The following ZNF423 variants were observed in gnomAD, a reference collection of about 807,000 sequenced individuals.
ZNF423 encodes the protein Ebf-associated zinc finger protein.
In ZNF423, 12 loss-of-function variants were observed where a neutral mutation model predicts 95.8. The observed-to-expected ratio is 0.13, with a 90% CI of 0.08 to 0.20. The LOEUF is 0.20. ZNF423 is among the 10% of genes least tolerant of loss of function. The probability of loss-of-function intolerance (pLI) is 1.00; values close to 1 mark genes in which losing one functional copy is unlikely to be tolerated. For synonymous variants in ZNF423, 749 were observed against 711.9 expected (o/e 1.05, Z -0.83); for missense variants, 1,316 against 1,737.1 (o/e 0.76, Z 4.31).
intron 3 of ZNF423, among the ~76,000 whole-genome samples, chr16:49,678,418 T>C (rs75573083): frequency 0.036 from 5,538 of 152,230 alleles, 161 homozygotes; most frequent in East Asian, 0.072. Flanking sequence ...GGCATGGTTT[T>C]GGGTGATGGC....
At chr16:49,648,499 G>C (rs1436065205) in intron 3 of ZNF423, among the ~76,000 whole-genome samples, 1 of 151,876 alleles carries the variant, frequency 6.6e-6, no homozygotes, top group Non-Finnish European at 1.5e-5. Context: ...AAAATTAGCT[G>C]GGCATGGTGG....
chr16:49,636,320 C>G lies in ZNF423; in HGVS notation c.2856G>C (p.Gly952=). The G allele has an allele frequency of 1.9e-6, 3 of 1,612,672 alleles. No individual in the cohort carries two copies. Among genetic ancestry groups the G allele is most frequent in the Non-Finnish European group, 2.5e-6 (3 of 1,180,020 alleles). ...VCSRTFFSEN[G]LREHLQTHRG... ...GGTGCGTCTGCAGGTGCTCCCGTAG[C>G]CCGTTCTCCGAGAAGAAAGTCCGTG... Residue 952 remains glycine, a synonymous_variant, in exon 4 of 8, where the codon GGG becomes GGC. Transcript: ENST00000563137. The surrounding 1 kb of genome is among the most constrained non-coding windows in gnomAD (Gnocchi z 8.6).
At chr16:49,854,396 T>TCACTTC (rs2035334488) in intron 1 of ZNF423, 1 of 985,264 alleles carries the variant, frequency 1.0e-6, no homozygotes, top group African/African-American at 1.7e-5. Flanking sequence ...CTTGCCAGAT[T>TCACTTC]CAGTTCCAGC....
At chr16:49,707,176 C>T (rs529595240) in intron 3 of ZNF423, among the ~76,000 whole-genome samples, 57 of 152,284 alleles carry the variant, frequency 3.7e-4, no homozygotes, top group African/African-American at 1.3e-3. Flanking sequence ...GCCGGTACCC[C>T]GACGCCCTGT....
At chr16:49,542,719 C>T (rs574596519) in intron 5 of ZNF423, among the ~76,000 whole-genome samples, 1 of 152,300 alleles carries the variant, frequency 6.6e-6, no homozygotes, top group South Asian at 2.1e-4. Flanking sequence ...CCCCAGCCCA[C>T]CCTGGGGAGG....
rs140344932 is a variant in ZNF423, at chr16:49,723,116, C to T, written c.301+7655G>A. On this transcript the variant is annotated intron_variant, in intron 3 of 7. Transcript: ENST00000563137. ...GACTACAGGCACCCGCCACCACGCCCGGCTAATTTTTTGTATTTTCAGTAG... is the reference window on the plus strand; with the variant it reads ...GACTACAGGCACCCGCCACCACGCCTGGCTAATTTTTTGTATTTTCAGTAG... Among the ~76,000 whole-genome samples, 481 of 151,992 alleles carry T rather than the reference C, an allele frequency of 3.2e-3. 5 individuals carry two copies. The highest frequency in any genetic ancestry group is 0.011 in the African/African-American group (443 of 41,502).
intron 1 of ZNF423, 73 bp from the exon 2 acceptor site, chr16:49,789,619 G>A: frequency 6.8e-7 from 1 of 1,464,676 alleles, no homozygotes; most frequent in African/African-American, 1.4e-5. Context: ...CACAGGGCGA[G>A]GAAGAAGGAA....
chr16:49,528,141 C>A (rs1312368491), intron 5 of ZNF423, among the ~76,000 whole-genome samples: 1 of 152,130 alleles, frequency 6.6e-6, no homozygotes, highest in Non-Finnish European at 1.5e-5. Context: ...CGAGCGGGGG[C>A]CTTTAACCAC....
intron 3 of ZNF423, among the ~76,000 whole-genome samples, chr16:49,653,472 C>T (rs1973493566): frequency 6.6e-6 from 1 of 152,278 alleles, no homozygotes; most frequent in African/African-American, 2.4e-5. Context: ...AAATAATCCT[C>T]TGATTGGGAT....
chr16:49,625,182 G>A (rs538127963), intron 5 of ZNF423, among the ~76,000 whole-genome samples: 44 of 152,286 alleles, frequency 2.9e-4, no homozygotes, highest in African/African-American at 9.6e-4. Flanking sequence ...TTCAAGACCA[G>A]CCTGACCAAG....
chr16:49,824,454 A>G (rs1381257904), intron 1 of ZNF423, among the ~76,000 whole-genome samples: 1 of 152,110 alleles, frequency 6.6e-6, no homozygotes, highest in African/African-American at 2.4e-5. Flanking sequence ...TCATGCCAAT[A>G]CCAAGTTGGG....
rs757906630 is a variant in ZNF423, at chr16:49,730,755, G to A, written c.301+16C>T. ...GTGTAACCACCTGTCAGAGTCCTGG[G>A]GCTGTTTTGCATTACCTCCAGGACA... On this transcript the variant is annotated intron_variant, in intron 3 of 7. Transcript: ENST00000563137. 11 of 1,614,040 alleles carry A rather than the reference G, an allele frequency of 6.8e-6. No homozygotes were observed. The highest frequency in any genetic ancestry group is 7.6e-6 in the Non-Finnish European group (9 of 1,179,906).
chr16:49,854,656 C>A (rs1218184769), intron 1 of ZNF423: 1 of 985,254 alleles, frequency 1.0e-6, no homozygotes. Flanking sequence ...GGGCTAGAAT[C>A]GGGACAAAGC....
At chr16:49,793,434 C>T (rs1222698856) in intron 1 of ZNF423, among the ~76,000 whole-genome samples, 1 of 152,230 alleles carries the variant, frequency 6.6e-6, no homozygotes, top group African/African-American at 2.4e-5. Flanking sequence ...GGACAACACA[C>T]CAAAGGGGCT....
intron 5 of ZNF423, among the ~76,000 whole-genome samples, chr16:49,554,159 C>A (rs954895168): frequency 2.6e-5 from 4 of 152,184 alleles, no homozygotes; most frequent in African/African-American, 9.7e-5. Context: ...CAGCTCCCAA[C>A]TTTACAGACC....
At chr16:49,783,576 G>A (rs570044984) in intron 2 of ZNF423, among the ~76,000 whole-genome samples, 3 of 143,482 alleles carry the variant, frequency 2.1e-5, no homozygotes, top group Non-Finnish European at 3.0e-5. Context: ...TGGGAAAGAG[G>A]GGGGGTTAGG....
chr16:49,636,470 G>A lies in ZNF423; in HGVS notation c.2706C>T (p.Ala902=). 6.2e-7 allele frequency: 1 copy of A among 1,613,584 alleles called. No individual in the cohort carries two copies. Residue 902 remains alanine (A), a synonymous_variant, in exon 4 of 8, where the codon GCC becomes GCT. Coordinates refer to ENST00000563137, the MANE Select transcript of ZNF423 (RefSeq NM_001379286.1). The surrounding 1 kb of genome is among the most constrained non-coding windows in gnomAD (Gnocchi z 8.6). ...TCTGCAGCAGCACCTCCATGGTGTAGGCCGCCCCACAGATGTCACAGCCGT... is the reference window on the plus strand; with the variant it reads ...TCTGCAGCAGCACCTCCATGGTGTAAGCCGCCCCACAGATGTCACAGCCGT... The part of the protein sequence containing the change: ...PMYGCDICGA[A]YTMEVLLQNH...
Position 49,600,851 on chromosome 16 carries a change from C to T in ZNF423, c.3601+25319G>A, listed in dbSNP as rs1442124450. 6.6e-5 allele frequency among the ~76,000 whole-genome samples: 10 copies of T among 152,332 alleles called. No individual in the cohort carries two copies. In the East Asian group the frequency reaches 1.5e-3, roughly 24 times the overall value. The stretch of plus-strand genomic sequence containing the variant: ...ACATTGCCGAAATAAATCACCGTCG[C>T]TCAGGAGGGGCTCCGGCCCGGCCGG... On this transcript the variant is annotated intron_variant, in intron 5 of 7. Coordinates refer to ENST00000563137, the MANE Select transcript of ZNF423 (RefSeq NM_001379286.1).
intron 3 of ZNF423, among the ~76,000 whole-genome samples, chr16:49,659,232 G>A (rs112638559): frequency 0.023 from 3,446 of 152,184 alleles, 134 homozygotes; most frequent in African/African-American, 0.078. Flanking sequence ...GGGACTACAG[G>A]TGTGCCACCA....
Sources: allele counts gnomAD v4.1 joint callset (sites outside exome capture counted in the v4.1 genomes callset), GRCh38; gene constraint gnomAD v4.1.1; non-coding constraint Gnocchi (gnomAD v3.1); transcripts MANE v1.5; gene names NCBI Gene and HGNC (gene_info 2026-07-23, HGNC 2026-07-21).